PCDHGA2: variants seen among roughly 807,000 people sequenced by gnomAD.
The protein encoded by PCDHGA2 is protocadherin gamma subfamily A, 2, also known as protocadherin gamma-A2.
A neutral mutation model predicts 59.2 loss-of-function variants in PCDHGA2; 40 were observed. The ratio of observed to expected loss-of-function variants is 0.68; its 90% CI spans 0.52 to 0.88. The LOEUF is 0.88. Among genes scored for constraint, PCDHGA2 ranks in the 40% least tolerant of loss-of-function variants. The probability of loss-of-function intolerance (pLI) is 0.00; values close to 1 mark genes in which losing one functional copy is unlikely to be tolerated. For missense variants in PCDHGA2, 1,226 were observed against 1,204.0 expected, an observed-to-expected ratio of 1.02 and a Z score of -0.27; for synonymous variants, 560 against 526.0, an observed-to-expected ratio of 1.06 and a Z score of -0.89.
intron 1 of PCDHGA2, among the ~76,000 whole-genome samples, chr5:141,445,597 G>T (rs2098471988): frequency 6.6e-6 from 1 of 152,200 alleles, no homozygotes; most frequent in African/African-American, 2.4e-5. Context: ...TAATCTGAAG[G>T]TCAAGGAAGG....
chr5:141,454,796 ATTTTTT>A (rs61612330), intron 1 of PCDHGA2, among the ~76,000 whole-genome samples: 41 of 77,454 alleles, frequency 5.3e-4, no homozygotes, highest in African/African-American at 1.7e-3. Context: ...CATGGTTCTA[ATTTTTT>A]TTTTTTTTTT....
intron 1 of PCDHGA2, chr5:141,374,146 G>A (rs770813485): frequency 5.0e-6 from 8 of 1,611,142 alleles, no homozygotes; most frequent in East Asian, 4.5e-5. Context: ...CGCTCCTGGG[G>A]ACGCTGTGGG....
chr5:141,376,170 C>T (rs1415388106), intron 1 of PCDHGA2: 2 of 1,614,112 alleles, frequency 1.2e-6, no homozygotes, highest in South Asian at 1.1e-5. Flanking sequence ...CTGGTGGTGG[C>T]GGTGGCCGCG....
At chr5:141,421,829 T>G in intron 1 of PCDHGA2, 5 of 1,613,784 alleles carry the variant, frequency 3.1e-6, no homozygotes, top group Non-Finnish European at 4.2e-6. Context: ...GAGGGAAGCC[T>G]GGACCGAGAG....
Position 141,485,465 on chromosome 5 carries a change from C to A in PCDHGA2, c.2425-9342C>A, listed in dbSNP as rs2099614061. 6.2e-7 allele frequency: 1 copy of A among 1,614,044 alleles called. No homozygotes were observed. Among genetic ancestry groups the A allele is most frequent in the African/African-American group, 1.3e-5 (1 of 74,918 alleles). ...AATCGACCGAGAGGCACTGTGTGGG[C>A]TCAGTGCCAGCTGCATCGTGCCCCT... On this transcript the variant is annotated intron_variant, in intron 1 of 3. Transcript: ENST00000394576. This position sits in a 1 kb window ranked among gnomAD's most constrained non-coding sequence, Gnocchi z 5.7.
At chr5:141,395,259 C>CT in intron 1 of PCDHGA2, 1 of 1,551,968 alleles carries the variant, frequency 6.4e-7, no homozygotes, top group Non-Finnish European at 8.7e-7. Flanking sequence ...TCTTTGCTTG[C>CT]TTTTAATTTC....
chr5:141,349,985 G>A, intron 1 of PCDHGA2: 1 of 308,912 alleles, frequency 3.2e-6, no homozygotes, highest in Non-Finnish European at 5.9e-6. Flanking sequence ...AAGAGGTTGC[G>A]CTTTGAGGAT....
At chr5:141,358,065 C>T (rs1461000215) in intron 1 of PCDHGA2, among the ~76,000 whole-genome samples, 5 of 152,092 alleles carry the variant, frequency 3.3e-5, no homozygotes, top group African/African-American at 1.2e-4. Flanking sequence ...TGGTGTGTGC[C>T]CGTAGTCCCA....
In PCDHGA2 at chr5:141,340,374, G is replaced by A. The variant is rs377136757; in HGVS notation, c.1403G>A (p.Gly468Glu). Residue 468 changes from glycine to glutamate, a missense_variant, in exon 1 of 4, where the codon GGA becomes GAA. Gly to Glu is a moderately conservative substitution (Grantham distance 98). Transcript: ENST00000394576. ...STYIPENNPR[G>E]ASVFSVTAHD... ...TACATTCCCGAAAACAACCCCAGAG[G>A]AGCCTCTGTCTTCTCAGTGACGGCC... is the stretch of plus-strand genomic sequence containing the variant. The A allele has an allele frequency of 6.2e-5, 100 of 1,613,978 alleles. No individual in the cohort carries two copies. Among genetic ancestry groups the A allele is most frequent in the Non-Finnish European group, 6.6e-5 (78 of 1,180,032 alleles).
At chr5:141,383,385 G>A in intron 1 of PCDHGA2, 2 of 1,613,962 alleles carry the variant, frequency 1.2e-6, no homozygotes, top group South Asian at 2.2e-5. Flanking sequence ...ATCCAGATGT[G>A]GGCACGAACT....
chr5:141,501,500 C>G (rs1385290676), intron 2 of PCDHGA2, among the ~76,000 whole-genome samples: 1 of 151,934 alleles, frequency 6.6e-6, no homozygotes, highest in Non-Finnish European at 1.5e-5. Context: ...GCTGCTGGGG[C>G]TCCAAGGCCT....
Position 141,491,306 on chromosome 5 carries a change from A to G in PCDHGA2, c.2425-3501A>G. ...CTCATACACCCTCCTGAGCGTTCAGACCTTACCCTTTACCTCATTGTGGCT... is the reference window on the plus strand; with the variant it reads ...CTCATACACCCTCCTGAGCGTTCAGGCCTTACCCTTTACCTCATTGTGGCT... On this transcript the variant is annotated intron_variant, in intron 1 of 3. Coordinates refer to ENST00000394576, the MANE Select transcript of PCDHGA2 (RefSeq NM_018915.4). This position sits in a 1 kb window ranked among gnomAD's most constrained non-coding sequence, Gnocchi z 6.9. 1 of 1,614,032 alleles carries G rather than the reference A, an allele frequency of 6.2e-7. No individual in the cohort carries two copies. The highest frequency in any genetic ancestry group is 2.2e-5 in the East Asian group (1 of 44,872).
chr5:141,509,144 G>A (rs969990007), intron 3 of PCDHGA2, among the ~76,000 whole-genome samples: 1 of 152,114 alleles, frequency 6.6e-6, no homozygotes, highest in African/African-American at 2.4e-5. Context: ...GGCGCATCCC[G>A]GCTCTCCCCT....
intron 1 of PCDHGA2, chr5:141,344,098 C>A (rs1168933689): frequency 4.3e-6 from 7 of 1,613,536 alleles, no homozygotes; most frequent in Non-Finnish European, 5.9e-6. Context: ...CTCCTGGGGA[C>A]GCTGTGCGAA....
chr5:141,472,505 A>G (rs1041224118), intron 1 of PCDHGA2, among the ~76,000 whole-genome samples: 4 of 152,004 alleles, frequency 2.6e-5, no homozygotes, highest in African/African-American at 7.3e-5. Context: ...GTGCCACTGC[A>G]CTCCAGCCTG....
intron 1 of PCDHGA2, chr5:141,389,481 C>G (rs372276550): frequency 3.7e-5 from 60 of 1,612,962 alleles, no homozygotes; most frequent in African/African-American, 8.0e-5. Flanking sequence ...ACTGCAGGCC[C>G]GCGACCAGGG....
At chr5:141,436,473 C>CA (rs2097825744) in intron 1 of PCDHGA2, among the ~76,000 whole-genome samples, 1 of 152,112 alleles carries the variant, frequency 6.6e-6, no homozygotes, top group Non-Finnish European at 1.5e-5. Context: ...TCAGATGTAT[C>CA]ATAGAAGGAT....
rs545147450 is a variant in PCDHGA2 at position 141,380,989 on chromosome 5, A to C, written c.2424+39594A>C. On this transcript the variant is annotated intron_variant, in intron 1 of 3. Transcript: ENST00000394576. ...TATTAAACAAATAGAATTTAACTCC[A>C]GTTTACAGAATTCATCTATAATACC... is the stretch of plus-strand genomic sequence containing the variant. Among the ~76,000 whole-genome samples, 4 of 152,258 alleles carry C rather than the reference A, an allele frequency of 2.6e-5. No homozygotes were observed. In the South Asian group the frequency reaches 8.3e-4, roughly 32 times the overall value.
At chr5:141,436,347 CT>C (rs1402378657) in intron 1 of PCDHGA2, among the ~76,000 whole-genome samples, 1 of 152,118 alleles carries the variant, frequency 6.6e-6, no homozygotes, top group African/African-American at 2.4e-5. Context: ...ATATCAGTGA[CT>C]TCAATCAACT....
Sources: gnomAD v4.1 joint callset for allele counts (sites outside exome capture counted in the v4.1 genomes callset) on GRCh38, gnomAD v4.1.1 for gene constraint, Gnocchi (gnomAD v3.1) non-coding constraint, MANE v1.5 for transcripts, NCBI Gene and HGNC (gene_info 2026-07-23, HGNC 2026-07-21) for gene names.